SUMF1: variants seen among roughly 807,000 people sequenced by gnomAD.
SUMF1 encodes formylglycine-generating enzyme.
Under a neutral mutation model 47.6 loss-of-function variants are expected in SUMF1, and 48 were observed. That is an observed-to-expected ratio of 1.01 (90% CI 0.80 to 1.28). The LOEUF is 1.28. SUMF1 is among the 50% of genes most tolerant of loss of function. SUMF1 has a pLI of 0.00. For missense variants in SUMF1, 571 were observed against 485.4 expected (o/e 1.18, Z -1.66); for synonymous variants, 230 against 192.1 (o/e 1.20, Z -1.63).
At chr3:4,155,721 A>G (rs1694437573) in intron 8 of SUMF1, among the ~76,000 whole-genome samples, 1 of 151,444 alleles carries the variant, frequency 6.6e-6, no homozygotes, top group South Asian at 2.1e-4. Flanking sequence ...AGCCAGAATC[A>G]GCCTCTGTTG....
chr3:4,313,018 G>T, intron 8 of SUMF1: 6 of 1,613,926 alleles, frequency 3.7e-6, no homozygotes, highest in Non-Finnish European at 5.1e-6. Context: ...TCTCCGCCAT[G>T]GAGAGAACTA....
At chr3:4,343,313 C>T (rs1222927379) in intron 8 of SUMF1, among the ~76,000 whole-genome samples, 2 of 152,212 alleles carry the variant, frequency 1.3e-5, no homozygotes, top group Non-Finnish European at 2.9e-5. Context: ...CAGTGAGGAG[C>T]TCCAGATCAC....
chr3:4,057,677 C>T (rs933544194), intron 9 of SUMF1, among the ~76,000 whole-genome samples: 2 of 151,888 alleles, frequency 1.3e-5, no homozygotes, highest in South Asian at 2.1e-4. Flanking sequence ...AGAATCATGA[C>T]GGGGAAGGAA....
In SUMF1 at chr3:4,232,504, C is replaced by T. The variant is rs2124984749; in HGVS notation, c.1014+143826G>A. Among the ~76,000 whole-genome samples the T allele has an allele frequency of 1.3e-5, 2 of 152,034 alleles. 1 individual carries two copies. Among genetic ancestry groups the T allele is most frequent in the East Asian group, 3.9e-4 (2 of 5,158 alleles). On this transcript the variant is annotated intron_variant and NMD_transcript_variant, in intron 8 of 12. Transcript: ENST00000448413. ...AGAGAGACAAGCACCTGAAAATTTA[C>T]CCTCCCAGCAATACTACATGAAACA...
rs938116000 is a variant in SUMF1 at position 4,410,026 on chromosome 3, A to T, written c.954+839T>A. ...TTAAAATTAAGCACATCAAGTAACC[A>T]GTCTAGCTAGTTTGGTTATAAATAT... On this transcript the variant is annotated intron_variant, in intron 7 of 8. Coordinates refer to ENST00000272902, the MANE Select transcript of SUMF1 (RefSeq NM_182760.4). Among the ~76,000 whole-genome samples the T allele has an allele frequency of 2.6e-5, 4 of 152,348 alleles. No individual in the cohort carries two copies. The East Asian group carries it at 7.7e-4, about 29-fold the overall frequency.
intron 7 of SUMF1, among the ~76,000 whole-genome samples, chr3:4,400,971 C>CA (rs71053411): frequency 2.5e-5 from 3 of 120,320 alleles, no homozygotes; most frequent in Non-Finnish European, 5.0e-5. Flanking sequence ...CCCCTCCCCC[C>CA]ACCCCACAAC....
chr3:4,174,580 G>A (rs146304572), intron 8 of SUMF1, among the ~76,000 whole-genome samples: 40 of 152,000 alleles, frequency 2.6e-4, no homozygotes, highest in African/African-American at 6.5e-4. Context: ...CAAGATGGCC[G>A]AATAGGAACA....
intron 8 of SUMF1, among the ~76,000 whole-genome samples, chr3:4,348,582 AG>A (rs1459800431): frequency 1.3e-5 from 2 of 152,118 alleles, no homozygotes; most frequent in Non-Finnish European, 2.9e-5. Flanking sequence ...ACCTCAGAAG[AG>A]GCCAGGCACA....
At chr3:4,397,512 A>C (rs927721069) in intron 7 of SUMF1, among the ~76,000 whole-genome samples, 4 of 152,224 alleles carry the variant, frequency 2.6e-5, no homozygotes, top group African/African-American at 9.6e-5. Flanking sequence ...TTCATTAGCA[A>C]GTTATGAGAG....
intron 8 of SUMF1, among the ~76,000 whole-genome samples, chr3:4,263,866 C>A (rs559116198): frequency 6.6e-6 from 1 of 152,120 alleles, no homozygotes; most frequent in Non-Finnish European, 1.5e-5. Context: ...CCTACCCTGA[C>A]GATTGCAATT....
chr3:4,245,904 C>T (rs759911312), intron 8 of SUMF1, among the ~76,000 whole-genome samples: 1 of 152,210 alleles, frequency 6.6e-6, no homozygotes, highest in Non-Finnish European at 1.5e-5. Context: ...CCACCCAGTT[C>T]GAGCTTCCCT....
chr3:4,460,847 G>A (rs1160028319), intron 1 of SUMF1, among the ~76,000 whole-genome samples: 1 of 151,632 alleles, frequency 6.6e-6, no homozygotes, highest in African/African-American at 2.4e-5. Flanking sequence ...TAGACACGAG[G>A]TCTTGTTATG....
At chr3:4,073,131 G>A (rs1420873107) in intron 8 of SUMF1, among the ~76,000 whole-genome samples, 1 of 152,202 alleles carries the variant, frequency 6.6e-6, no homozygotes, top group Non-Finnish European at 1.5e-5. Flanking sequence ...ACTAACAGCG[G>A]ATCTCTCTGC....
chr3:4,213,795 G>C (rs970184497), intron 8 of SUMF1, among the ~76,000 whole-genome samples: 4 of 152,112 alleles, frequency 2.6e-5, no homozygotes, highest in African/African-American at 9.7e-5. Context: ...AACCAACAAA[G>C]ATCAAAAGAG....
At chr3:4,109,186 C>G (rs888648730) in intron 8 of SUMF1, among the ~76,000 whole-genome samples, 3 of 152,018 alleles carry the variant, frequency 2.0e-5, no homozygotes, top group Non-Finnish European at 2.9e-5. Flanking sequence ...ACTTATGAAG[C>G]TTAGTTTGGC....
intron 8 of SUMF1, among the ~76,000 whole-genome samples, chr3:4,217,265 C>T (rs568733195): frequency 2.0e-5 from 3 of 151,234 alleles, no homozygotes; most frequent in African/African-American, 4.9e-5. Flanking sequence ...ATCACAAGAA[C>T]AGAAAACCAA....
At chr3:4,343,665 AAAG>A (rs1699316447) in intron 8 of SUMF1, among the ~76,000 whole-genome samples, 1 of 152,220 alleles carries the variant, frequency 6.6e-6, no homozygotes, top group Non-Finnish European at 1.5e-5. Flanking sequence ...GTTTTAGAAT[AAAG>A]AAGAATTGAA....
At chr3:4,113,150 G>T (rs922353976) in intron 8 of SUMF1, among the ~76,000 whole-genome samples, 1 of 152,082 alleles carries the variant, frequency 6.6e-6, no homozygotes, top group East Asian at 1.9e-4. Context: ...ATCAAGCCAA[G>T]GTACCTGGGG....
At chr3:4,080,199 C>T (rs949185211) in intron 8 of SUMF1, among the ~76,000 whole-genome samples, 55 of 152,112 alleles carry the variant, frequency 3.6e-4, no homozygotes, top group African/African-American at 1.3e-3. Context: ...CACAAATGCA[C>T]ACGTACATTC....
Sources: allele counts gnomAD v4.1 joint callset (sites outside exome capture counted in the v4.1 genomes callset), GRCh38; gene constraint gnomAD v4.1.1; transcripts MANE v1.5; gene names NCBI Gene and HGNC (gene_info 2026-07-23, HGNC 2026-07-21).